Variants in MED13L observed in about 807,000 individuals in gnomAD.
MED13L encodes the protein mediator of RNA polymerase II transcription subunit 13-like.
A neutral mutation model predicts 220.9 loss-of-function variants in MED13L; 7 were observed. The observed-to-expected ratio is 0.03, with a 90% CI of 0.02 to 0.06. The LOEUF is 0.06. Among genes scored for constraint, MED13L ranks in the 10% least tolerant of loss-of-function variants. The pLI is 1.00. For synonymous variants in MED13L, 1,011 were observed against 1,015.2 expected (o/e 1.00, Z 0.08); for missense variants, 1,965 against 2,760.5 (o/e 0.71, Z 6.46).
chr12:116,057,256 A>G (rs1444336640), intron 4 of MED13L, among the ~76,000 whole-genome samples: 1 of 152,176 alleles, frequency 6.6e-6, no homozygotes, highest in Non-Finnish European at 1.5e-5. Context: ...AGAAACTGCA[A>G]TTAATAATCC....
rs11067873 is a variant in MED13L, at chr12:115,997,304, A to T, written c.2570-74T>A. 56,404 of 1,186,424 alleles carry T rather than the reference A, an allele frequency of 0.048. 1,798 individuals are homozygous for T. The highest frequency in any genetic ancestry group is 0.13 in the African/African-American group (8,303 of 65,412). The allele number at this position is 1,186,424 out of a possible 1,614,324, so 73.5% of individuals were successfully genotyped here. ...AAAGTCCTAGCTTATAGCCAGGCGCACTCTTTGGCACCAAAAATAGTGCTA... is the reference window on the plus strand; with the variant it reads ...AAAGTCCTAGCTTATAGCCAGGCGCTCTCTTTGGCACCAAAAATAGTGCTA... On this transcript the variant is annotated intron_variant, in intron 14 of 30. Transcript: ENST00000281928.
rs1457524170 is a variant in MED13L at position 116,029,220 on chromosome 12, G to C, written c.480-6619C>G. Among the ~76,000 whole-genome samples, 38 of 145,406 alleles carry C rather than the reference G, an allele frequency of 2.6e-4. 1 individual carries two copies. The highest frequency in any genetic ancestry group is 4.5e-5 in the Non-Finnish European group (3 of 66,782). ...GGGAGTTGGGGTCTATTCTAAAAAGGGATTGGTCAGAGAAAAGCTTCTCTG... is the reference window on the plus strand; with the variant it reads ...GGGAGTTGGGGTCTATTCTAAAAAGCGATTGGTCAGAGAAAAGCTTCTCTG... On this transcript the variant is annotated intron_variant, in intron 4 of 30. Transcript: ENST00000281928.
At chr12:115,988,477 A>T (rs1877848084) in intron 17 of MED13L, among the ~76,000 whole-genome samples, 1 of 152,142 alleles carries the variant, frequency 6.6e-6, no homozygotes, top group Non-Finnish European at 1.5e-5. Flanking sequence ...ATTGCCTTTT[A>T]TCTTCAGCCA....
chr12:116,250,484 C>T (rs1431648828), intron 1 of MED13L, among the ~76,000 whole-genome samples: 1 of 151,306 alleles, frequency 6.6e-6, no homozygotes, highest in Non-Finnish European at 1.5e-5. Flanking sequence ...TTTTTCTCGG[C>T]CGGGCATGGT....
At chr12:115,970,250 A>G (rs1211318258) in intron 27 of MED13L, among the ~76,000 whole-genome samples, 1 of 152,240 alleles carries the variant, frequency 6.6e-6, no homozygotes, top group Non-Finnish European at 1.5e-5. Flanking sequence ...TGCTCTCTTC[A>G]TATTGCTTAG....
rs200115442 is a variant in MED13L, at chr12:115,991,908, G to T, written c.3046C>A (p.Pro1016Thr). Reference sequence around the variant, plus strand: ...AACGTCACGGGTGTGTTCATCTGTGGTGTGTTCAGATAGTCTGGATCTGCT... The same window carrying T: ...AACGTCACGGGTGTGTTCATCTGTGTTGTGTTCAGATAGTCTGGATCTGCT... Reference protein sequence around the residue: ...SLADPDYLNTPQMNTPVTLNS... With the variant: ...SLADPDYLNTTQMNTPVTLNS... The change falls in exon 17 of 31, where the codon CCA (proline) becomes ACA (threonine). Residue 1016 changes from proline to threonine, a missense_variant. By Grantham distance (38) the Pro-to-Thr change is conservative. This residue lies in a region of MED13L where 233 missense variants were observed against 306.2 expected (regional missense o/e 0.76). Coordinates refer to ENST00000281928, the MANE Select transcript of MED13L (RefSeq NM_015335.5). The surrounding 1 kb of genome is among the most constrained non-coding windows in gnomAD (Gnocchi z 7.7). 8.1e-6 allele frequency: 13 copies of T among 1,600,634 alleles called. No homozygotes were observed. The highest frequency in any genetic ancestry group is 1.1e-5 in the Non-Finnish European group (13 of 1,179,940).
intron 2 of MED13L, chr12:116,169,406 AAATATAACT>A (rs1339602926): frequency 6.6e-6 from 1 of 152,162 alleles, no homozygotes; most frequent in African/African-American, 2.4e-5. Context: ...TGATTTCTGG[AAATATAACT>A]AATATAACAT....
chr12:116,069,793 G>T (rs1043223111), intron 4 of MED13L, among the ~76,000 whole-genome samples: 12 of 152,056 alleles, frequency 7.9e-5, no homozygotes, highest in African/African-American at 2.9e-4. Flanking sequence ...ACTGTTTAAT[G>T]CACAAAAATC....
chr12:116,051,313 A>G (rs926931407), intron 4 of MED13L, among the ~76,000 whole-genome samples: 3 of 152,056 alleles, frequency 2.0e-5, no homozygotes, highest in African/African-American at 7.2e-5. Flanking sequence ...AAAAATATTG[A>G]TAACAATAGA....
rs149802706 is a variant in MED13L, at chr12:116,142,988, A to G, written c.311-31476T>C. 4.6e-5 allele frequency among the ~76,000 whole-genome samples: 7 copies of G among 152,314 alleles called. No individual in the cohort carries two copies. In the East Asian group the frequency reaches 1.2e-3, roughly 25 times the overall value. Reference sequence around the variant, plus strand: ...CTTTTGTTTTATCTTATCTACTGACAAGTTTCGTGGGCTCAGGGTCTGCTG... The same window carrying G: ...CTTTTGTTTTATCTTATCTACTGACGAGTTTCGTGGGCTCAGGGTCTGCTG... On this transcript the variant is annotated intron_variant, in intron 2 of 30. Coordinates refer to ENST00000281928, the MANE Select transcript of MED13L (RefSeq NM_015335.5).
In MED13L at chr12:116,276,491, G is replaced by A. The variant is rs764261303; in HGVS notation, c.72+569C>T. Reference sequence around the variant, plus strand: ...CAGCATAGTAAGCCCCGAGAGGCAGGCGGCTGTCGATGTTTACAATCGCGG... The same window carrying A: ...CAGCATAGTAAGCCCCGAGAGGCAGACGGCTGTCGATGTTTACAATCGCGG... On this transcript the variant is annotated intron_variant, in intron 1 of 30. Coordinates refer to ENST00000281928, the MANE Select transcript of MED13L (RefSeq NM_015335.5). 21 of 1,287,856 alleles carry A rather than the reference G, an allele frequency of 1.6e-5. 1 individual carries two copies. The South Asian group carries it at 2.6e-4, about 16-fold the overall frequency. The allele number at this position is 1,287,856 out of a possible 1,614,324, so 79.8% of individuals were successfully genotyped here. A position where few individuals can be genotyped will look rare whatever the true frequency, so the allele number is the denominator to read the frequency against.
chr12:116,047,459 A>G lies in MED13L; in HGVS notation c.480-24858T>C, dbSNP rs946545156. Reference sequence around the variant, plus strand: ...CAAGAAACACCATTTCTTTCATTTAATTTATAAGTGGGTTTTCTTTATCCA... The same window carrying G: ...CAAGAAACACCATTTCTTTCATTTAGTTTATAAGTGGGTTTTCTTTATCCA... On this transcript the variant is annotated intron_variant, in intron 4 of 30. Transcript: ENST00000281928. Among the ~76,000 whole-genome samples the G allele has an allele frequency of 3.3e-5, 5 of 152,246 alleles. No individual in the cohort carries two copies. The East Asian group carries it at 7.7e-4, about 23-fold the overall frequency.
chr12:116,026,141 A>G (rs1880378081), intron 4 of MED13L, among the ~76,000 whole-genome samples: 1 of 152,216 alleles, frequency 6.6e-6, no homozygotes, highest in Non-Finnish European at 1.5e-5. Flanking sequence ...AAAGGAGTCA[A>G]AAAAAGGATG....
rs1264145929 is a variant in MED13L at position 115,987,164 on chromosome 12, C to A, written c.4059G>T (p.Val1353=). ...ACTGCTGCCAAGTGAGTGGTCCCTGCACATGCTGGATGTTCTCCCAGGTCC... is the reference window on the plus strand; with the variant it reads ...ACTGCTGCCAAGTGAGTGGTCCCTGAACATGCTGGATGTTCTCCCAGGTCC... ...TGRTWENIQH[V]QGPLTWQQFH... The change falls in exon 18 of 31, where the codon GTG becomes GTT. Residue 1353 remains valine, a synonymous_variant. Transcript: ENST00000281928. 12 of 1,614,052 alleles carry A rather than the reference C, an allele frequency of 7.4e-6. No individual in the cohort carries two copies. The highest frequency in any genetic ancestry group is 2.7e-5 in the African/African-American group (2 of 74,926).
At chr12:115,992,719 T>C (rs1878147316) in intron 16 of MED13L, among the ~76,000 whole-genome samples, 1 of 152,220 alleles carries the variant, frequency 6.6e-6, no homozygotes, top group African/African-American at 2.4e-5. Context: ...AGCAGCTTTC[T>C]GTGGGGTGGT....
At chr12:116,032,324 G>A (rs1245240120) in intron 4 of MED13L, among the ~76,000 whole-genome samples, 3 of 152,074 alleles carry the variant, frequency 2.0e-5, no homozygotes, top group African/African-American at 7.2e-5. Flanking sequence ...AAAAACAAGT[G>A]AGAGACAACC....
At chr12:116,056,696 T>C (rs747616383) in intron 4 of MED13L, among the ~76,000 whole-genome samples, 6 of 152,206 alleles carry the variant, frequency 3.9e-5, no homozygotes, top group Non-Finnish European at 7.4e-5. Flanking sequence ...ATCAGGTGAA[T>C]AAAGAATCAT....
chr12:116,067,426 A>AC (rs750685246), intron 4 of MED13L, among the ~76,000 whole-genome samples: 2 of 152,186 alleles, frequency 1.3e-5, no homozygotes, highest in Non-Finnish European at 2.9e-5. Context: ...ACTTTAACAG[A>AC]CCTTTTGCAC....
intron 2 of MED13L, among the ~76,000 whole-genome samples, chr12:116,145,269 T>C (rs1030102049): frequency 2.1e-4 from 32 of 152,186 alleles, no homozygotes; most frequent in African/African-American, 7.7e-4. Context: ...TGCACATCAC[T>C]ACATATCCTT....
Sources: allele counts gnomAD v4.1 joint callset (sites outside exome capture counted in the v4.1 genomes callset), GRCh38; gene constraint gnomAD v4.1.1; regional missense constraint gnomAD v4.1.1; non-coding constraint Gnocchi (gnomAD v3.1); transcripts MANE v1.5; gene names NCBI Gene and HGNC (gene_info 2026-07-23, HGNC 2026-07-21).